KIAA1217: variants seen among roughly 807,000 people sequenced by gnomAD.
KIAA1217 encodes the protein sickle tail protein homolog.
In KIAA1217, 88 loss-of-function variants were observed where a neutral mutation model predicts 163.9. The ratio of observed to expected loss-of-function variants is 0.54; its 90% CI spans 0.45 to 0.64. The LOEUF (loss-of-function observed/expected upper bound fraction) is 0.64. KIAA1217 is among the 30% of genes least tolerant of loss of function. The probability of loss-of-function intolerance (pLI) is 0.00; values close to 1 mark genes in which losing one functional copy is unlikely to be tolerated. For synonymous variants in KIAA1217, 903 were observed against 923.1 expected, an observed-to-expected ratio of 0.98 and a Z score of 0.39; for missense variants, 2,372 against 2,475.0, an observed-to-expected ratio of 0.96 and a Z score of 0.88.
At chr10:24,466,825 G>T (rs1592169568) in intron 5 of KIAA1217, 1 of 979,350 alleles carries the variant, frequency 1.0e-6, no homozygotes, top group East Asian at 1.1e-4. Flanking sequence ...GTGAAAGAGT[G>T]TCTTAAGATT....
At chr10:24,412,798 G>A (rs1240830253) in intron 3 of KIAA1217, among the ~76,000 whole-genome samples, 3 of 152,112 alleles carry the variant, frequency 2.0e-5, no homozygotes, top group Non-Finnish European at 4.4e-5. Flanking sequence ...GATGATGACC[G>A]CTGTAGCCTG....
intron 1 of KIAA1217, among the ~76,000 whole-genome samples, chr10:23,735,605 T>C (rs1838748658): frequency 6.6e-6 from 1 of 152,144 alleles, no homozygotes; most frequent in Non-Finnish European, 1.5e-5. Flanking sequence ...AAATGCCTTT[T>C]TGTGTCTTTT....
intron 1 of KIAA1217, among the ~76,000 whole-genome samples, chr10:23,903,298 A>G (rs1412361558): frequency 6.6e-6 from 1 of 152,138 alleles, no homozygotes; most frequent in East Asian, 1.9e-4. Flanking sequence ...AGCTTCTAAA[A>G]AGTCTTTTGT....
At chr10:24,185,376 ACTC>A (rs10594582) in intron 2 of KIAA1217, among the ~76,000 whole-genome samples, 48,155 of 151,804 alleles carry the variant, frequency 0.32, 8,374 homozygotes, top group South Asian at 0.42. Context: ...AAGTCCTCGA[ACTC>A]TTCCTTTGTT....
chr10:24,167,799 C>T (rs1278833415), intron 2 of KIAA1217, among the ~76,000 whole-genome samples: 1 of 152,126 alleles, frequency 6.6e-6, no homozygotes, highest in African/African-American at 2.4e-5. Context: ...AATTTATTGG[C>T]TCATAATTCT....
chr10:24,016,232 T>C (rs1045891504), intron 2 of KIAA1217, among the ~76,000 whole-genome samples: 2 of 152,152 alleles, frequency 1.3e-5, no homozygotes, highest in African/African-American at 4.8e-5. Flanking sequence ...GTGTATTATG[T>C]CTGTTATCTT....
chr10:23,838,792 A>C (rs1838620400), intron 1 of KIAA1217, among the ~76,000 whole-genome samples: 1 of 152,120 alleles, frequency 6.6e-6, no homozygotes, highest in African/African-American at 2.4e-5. Context: ...ACTTTGTAAG[A>C]GATCTTTTTT....
At chr10:24,488,462 A>C (rs981022854) in intron 6 of KIAA1217, among the ~76,000 whole-genome samples, 2 of 152,188 alleles carry the variant, frequency 1.3e-5, no homozygotes, top group Middle Eastern at 3.2e-3. Flanking sequence ...TGCCATAAGC[A>C]CAGGGCCCGG....
intron 2 of KIAA1217, among the ~76,000 whole-genome samples, chr10:24,234,167 A>G (rs1417484066): frequency 1.3e-5 from 2 of 152,294 alleles, no homozygotes; most frequent in East Asian, 3.9e-4. Flanking sequence ...TTTGAGCACC[A>G]ACATGATGCT....
At chr10:24,542,804 C>A (rs1345978587) in intron 18 of KIAA1217, 34 bp downstream of exon 18, 1 of 1,611,794 alleles carries the variant, frequency 6.2e-7, no homozygotes, top group South Asian at 1.1e-5. Flanking sequence ...CGACCAATAC[C>A]ATGCACATTA....
intron 2 of KIAA1217, among the ~76,000 whole-genome samples, chr10:24,358,038 G>A (rs1367611095): frequency 6.6e-6 from 1 of 152,202 alleles, no homozygotes; most frequent in Non-Finnish European, 1.5e-5. Context: ...CAAGCAAGCT[G>A]CACAGAGCCA....
chr10:23,955,943 G>A (rs960141446), intron 1 of KIAA1217, among the ~76,000 whole-genome samples: 2 of 152,234 alleles, frequency 1.3e-5, no homozygotes, highest in Non-Finnish European at 2.9e-5. Context: ...GATTCGAGAT[G>A]GTATCTAATG....
chr10:24,001,069 AACACACACACAC>A (rs35481656), intron 1 of KIAA1217, among the ~76,000 whole-genome samples: 189 of 149,312 alleles, frequency 1.3e-3, no homozygotes, highest in African/African-American at 4.5e-3. Flanking sequence ...CTGCAAAGTA[AACACACACACAC>A]ACACACACAC....
intron 2 of KIAA1217, among the ~76,000 whole-genome samples, chr10:24,043,268 A>G (rs1439227293): frequency 3.3e-5 from 5 of 152,214 alleles, no homozygotes; most frequent in African/African-American, 1.2e-4. Flanking sequence ...TCTACTACAA[A>G]TGTAATATTT....
chr10:23,875,923 G>T (rs1279095485), intron 1 of KIAA1217, among the ~76,000 whole-genome samples: 1 of 146,486 alleles, frequency 6.8e-6, no homozygotes, highest in Non-Finnish European at 1.5e-5. Context: ...CAGAGGGAGG[G>T]GAACATCACA....
At chr10:24,261,692 G>A (rs2075744415) in intron 2 of KIAA1217, among the ~76,000 whole-genome samples, 1 of 152,024 alleles carries the variant, frequency 6.6e-6, no homozygotes, top group Non-Finnish European at 1.5e-5. Flanking sequence ...CTCTTGTCGG[G>A]GAAAAAAGAG....
chr10:24,022,237 G>A (rs12164708), intron 2 of KIAA1217, among the ~76,000 whole-genome samples: 2,980 of 150,756 alleles, frequency 0.02, 89 homozygotes, highest in African/African-American at 0.067. Context: ...AATATACAAC[G>A]AACACTTAAA....
rs1837226138 is a variant in KIAA1217, at chr10:23,814,512, C to T, written c.-321+119278C>T. Among the ~76,000 whole-genome samples the T allele has an allele frequency of 2.0e-5, 3 of 152,188 alleles. No individual in the cohort carries two copies. The South Asian group carries it at 6.2e-4, about 31-fold the overall frequency. On this transcript the variant is annotated intron_variant, in intron 1 of 18. Transcript: ENST00000376462. The stretch of plus-strand genomic sequence containing the variant: ...TCACTCAGTATCCCTAACTGGACAG[C>T]AAGCATTGGGGATGACCCAAACAAG...
At chr10:24,317,380 A>G (rs2043536182) in intron 2 of KIAA1217, among the ~76,000 whole-genome samples, 1 of 152,126 alleles carries the variant, frequency 6.6e-6, no homozygotes, top group Non-Finnish European at 1.5e-5. Context: ...CAGCCTCCTG[A>G]GTAGCTGGGA....
Sources: allele counts gnomAD v4.1 joint callset (sites outside exome capture counted in the v4.1 genomes callset), GRCh38; gene constraint gnomAD v4.1.1; transcripts MANE v1.5; gene names NCBI Gene and HGNC (gene_info 2026-07-23, HGNC 2026-07-21).